The following TMEM182 variants were observed in gnomAD, a reference collection of about 807,000 sequenced individuals.
TMEM182 encodes transmembrane protein 182.
Under a neutral mutation model 26.8 loss-of-function variants are expected in TMEM182, and 20 were observed. That is an observed-to-expected ratio of 0.75 (90% confidence interval 0.53 to 1.09). The LOEUF is 1.09. Among genes scored for constraint, TMEM182 ranks in the 50% least tolerant of loss-of-function variants. TMEM182 has a pLI of 0.00. For missense variants in TMEM182, 277 were observed against 275.5 expected (o/e 1.01, Z -0.04); for synonymous variants, 109 against 102.2 (o/e 1.07, Z -0.40).
intron 1 of TMEM182, among the ~76,000 whole-genome samples, chr2:102,745,057 T>C (rs1331156350): frequency 6.6e-6 from 1 of 152,122 alleles, no homozygotes; most frequent in Non-Finnish European, 1.5e-5. Flanking sequence ...GTTAGACCAT[T>C]TGCTGTTGCC....
At position 102,816,546 on chromosome 2, in the gene TMEM182, T is replaced by TA. The variant is rs986722064; in HGVS notation, c.*1581dup. On this transcript the variant is annotated 3_prime_UTR_variant, in exon 5 of 5. Transcript: ENST00000412401. ...ATAATAATAATAATAATAATAATAA[T>TA]AAAGCTCCAGAGGCCTAACTGGTTT... is the stretch of plus-strand genomic sequence containing the variant. 3 of 971,146 alleles carry TA rather than the reference T, an allele frequency of 3.1e-6. No individual in the cohort carries two copies. The African/African-American group carries it at 5.3e-5, about 17-fold the overall frequency. 60.2% of individuals were successfully genotyped at this position (971,146 alleles called of 1,614,324 possible). A position where few individuals can be genotyped will look rare whatever the true frequency, so the allele number is the denominator to read the frequency against.
intron 4 of TMEM182, among the ~76,000 whole-genome samples, chr2:102,805,896 T>G (rs1030019): frequency 6.6e-6 from 1 of 151,718 alleles, no homozygotes; most frequent in Non-Finnish European, 1.5e-5. Flanking sequence ...CAGAGCGAGA[T>G]CCTGTCTCTA....
At chr2:102,786,625 C>T (rs1681406989) in intron 3 of TMEM182, among the ~76,000 whole-genome samples, 1 of 152,144 alleles carries the variant, frequency 6.6e-6, no homozygotes, top group East Asian at 1.9e-4. Context: ...AAAGATTCTC[C>T]AGTGATTGTG....
intron 4 of TMEM182, among the ~76,000 whole-genome samples, chr2:102,799,610 G>C (rs1339522208): frequency 6.6e-6 from 1 of 152,206 alleles, no homozygotes; most frequent in Non-Finnish European, 1.5e-5. Flanking sequence ...AATGGTCATA[G>C]ACTAAGTGGG....
In TMEM182 at chr2:102,815,147, C is replaced by T; in HGVS notation, c.*179C>T. 1 of 1,419,600 alleles carries T rather than the reference C, an allele frequency of 7.0e-7. No individual in the cohort carries two copies. The highest frequency in any genetic ancestry group is 1.5e-5 in the South Asian group (1 of 64,868). 87.9% of individuals were successfully genotyped at this position (1,419,600 alleles called of 1,614,324 possible). A position where few individuals can be genotyped will look rare whatever the true frequency, so the allele number is the denominator to read the frequency against. ...AAGGTCCTAGAATCTCTCCAGACAC[C>T]AGCAAGCCTCTATCTTGTCTAAGTG... On this transcript the variant is annotated 3_prime_UTR_variant, in exon 5 of 5. Transcript: ENST00000412401.
intron 4 of TMEM182, among the ~76,000 whole-genome samples, chr2:102,800,288 T>C (rs1459784195): frequency 6.6e-6 from 1 of 152,232 alleles, no homozygotes; most frequent in African/African-American, 2.4e-5. Flanking sequence ...TGTTTTCTAC[T>C]CTCCTTCTCT....
chr2:102,785,021 T>C (rs1024899544), intron 3 of TMEM182, among the ~76,000 whole-genome samples: 4 of 152,208 alleles, frequency 2.6e-5, no homozygotes, highest in Non-Finnish European at 5.9e-5. Flanking sequence ...CAGCTCGAGA[T>C]GGAGTTGCTC....
intron 4 of TMEM182, among the ~76,000 whole-genome samples, chr2:102,811,757 C>T (rs1682563077): frequency 6.6e-6 from 1 of 152,178 alleles, no homozygotes; most frequent in Admixed American, 6.5e-5. Context: ...ATGGGAGGCC[C>T]CATCAAGCTG....
chr2:102,817,897 T>C (rs116395937), downstream of TMEM182, among the ~76,000 whole-genome samples: 1,721 of 152,358 alleles, frequency 0.011, 27 homozygotes, highest in Admixed American at 0.034. Flanking sequence ...GTTGTTTCCC[T>C]GAGTGCCACT....
exon 1 of TMEM182, chr2:102,736,947 G>C: frequency 9.0e-7 from 1 of 1,114,586 alleles, no homozygotes; most frequent in Non-Finnish European, 1.2e-6. Context: ...CTCCGCGGGT[G>C]CGTGGCCGGT....
At position 102,815,489 on chromosome 2, in the gene TMEM182, G is replaced by A. The variant is rs563167622; in HGVS notation, c.*521G>A. On this transcript the variant is annotated 3_prime_UTR_variant, in exon 5 of 5. Transcript: ENST00000412401. ...AAATAGACAGCAGTTGTTCTAATTA[G>A]TGGGAGCCATGTACTCACCAGTTAA... 3 of 987,838 alleles carry A rather than the reference G, an allele frequency of 3.0e-6. No individual in the cohort carries two copies. In the Admixed American group the frequency reaches 1.8e-4, roughly 60 times the overall value. The allele number at this position is 987,838 out of a possible 1,614,324, so 61.2% of individuals were successfully genotyped here. A position where few individuals can be genotyped will look rare whatever the true frequency, so the allele number is the denominator to read the frequency against.
chr2:102,839,894 T>C (rs1486083012), intron 3 of TMEM182, among the ~76,000 whole-genome samples: 1 of 152,174 alleles, frequency 6.6e-6, no homozygotes, highest in Non-Finnish European at 1.5e-5. Context: ...TGGCAGCCAA[T>C]ACAGGAGAAT....
At chr2:102,788,766 C>T (rs190879500) in intron 3 of TMEM182, among the ~76,000 whole-genome samples, 177 of 152,238 alleles carry the variant, frequency 1.2e-3, no homozygotes, top group African/African-American at 3.9e-3. Context: ...AGTGTGCTTC[C>T]TCCCTGAAGC....
At chr2:102,777,718 T>C (rs951255402) in intron 3 of TMEM182, among the ~76,000 whole-genome samples, 10 of 151,904 alleles carry the variant, frequency 6.6e-5, no homozygotes, top group African/African-American at 2.4e-4. Flanking sequence ...ATAGGGACAA[T>C]TTTATTTCTT....
chr2:102,745,127 T>C (rs1472587965), intron 1 of TMEM182, among the ~76,000 whole-genome samples: 1 of 151,822 alleles, frequency 6.6e-6, no homozygotes, highest in African/African-American at 2.4e-5. Flanking sequence ...TTTTTCTTTA[T>C]GTTTTTTTTT....
chr2:102,802,200 T>C (rs1310013702), intron 4 of TMEM182, among the ~76,000 whole-genome samples: 1 of 152,218 alleles, frequency 6.6e-6, no homozygotes, highest in Non-Finnish European at 1.5e-5. Context: ...TTGCTGGGTA[T>C]GTGCACATAG....
chr2:102,738,592 A>T (rs1259802287), intron 1 of TMEM182, among the ~76,000 whole-genome samples: 1 of 152,142 alleles, frequency 6.6e-6, no homozygotes, highest in Non-Finnish European at 1.5e-5. Context: ...CTCTGTGTAA[A>T]AATAATAATA....
intron 4 of TMEM182, among the ~76,000 whole-genome samples, chr2:102,808,612 G>C (rs899009807): frequency 6.6e-6 from 1 of 152,112 alleles, no homozygotes; most frequent in Non-Finnish European, 1.5e-5. Flanking sequence ...AAAATTTCAT[G>C]TATGAGTTAG....
Position 102,762,666 on chromosome 2 carries a change from A to G in TMEM182, c.212A>G (p.Asn71Ser). The G allele has an allele frequency of 2.5e-6, 4 of 1,613,774 alleles. No homozygotes were observed. The highest frequency in any genetic ancestry group is 3.4e-6 in the Non-Finnish European group (4 of 1,179,814). The stretch of plus-strand genomic sequence containing the variant: ...GGGATTGTGGAAGAGAATGACTCCA[A>G]TATTTGGAAGTTCTGGTACAGTAAG... ...FNGIVEENDS[N>S]IWKFWYTNQP... is the part of the protein sequence containing the mutation. The change falls in exon 2 of 5, where the codon AAT becomes AGT. Residue 71 changes from asparagine (N) to serine (S), a missense_variant. By Grantham distance (46) the Asn-to-Ser change is conservative (BLOSUM62 1). Transcript: ENST00000412401.
Sources: gnomAD v4.1 joint callset for allele counts (sites outside exome capture counted in the v4.1 genomes callset) on GRCh38, gnomAD v4.1.1 for gene constraint, MANE v1.5 for transcripts, NCBI Gene and HGNC (gene_info 2026-07-23, HGNC 2026-07-21) for gene names.